Variants in FOXN3 observed in about 807,000 individuals in gnomAD.
FOXN3 encodes the protein forkhead box N3.
In FOXN3, 7 loss-of-function variants were observed where a neutral mutation model predicts 38.4. The observed-to-expected ratio is 0.18, with a 90% CI of 0.10 to 0.34. FOXN3 has a LOEUF of 0.34. Ranked by LOEUF, FOXN3 falls within the 10% of genes least tolerant of loss-of-function variation. FOXN3 has a pLI of 1.00. For synonymous variants in FOXN3, 230 were observed against 242.2 expected (o/e 0.95, Z 0.47); for missense variants, 456 against 613.4 (o/e 0.74, Z 2.71).
intron 1 of FOXN3, among the ~76,000 whole-genome samples, chr14:89,549,547 A>G (rs966572125): frequency 1.3e-5 from 2 of 151,722 alleles, no homozygotes; most frequent in Non-Finnish European, 2.9e-5. Context: ...CTACTCCCCA[A>G]TATCCCCCAA....
At position 89,555,114 on chromosome 14, in the gene FOXN3, G is replaced by C. The variant is rs144188233; in HGVS notation, c.-15+63914C>G. ...CCAAATATTAGCATTTCTTTCTTTT[G>C]TTAAAATAATGTGGTTTTTTTTGTA... On this transcript the variant is annotated intron_variant, in intron 1 of 6. Coordinates refer to the FOXN3 transcript ENST00000345097. 7.1e-3 allele frequency among the ~76,000 whole-genome samples: 545 copies of C among 76,426 alleles called. 6 individuals are homozygous for C. Among genetic ancestry groups the C allele is most frequent in the African/African-American group, 0.026 (508 of 19,862 alleles). The allele number at this position is 76,426 out of a possible 152,430, so 50.1% of individuals were successfully genotyped here.
chr14:89,594,499 T>A (rs1896018776), intron 1 of FOXN3, among the ~76,000 whole-genome samples: 1 of 152,246 alleles, frequency 6.6e-6, no homozygotes, highest in South Asian at 2.1e-4. Flanking sequence ...TTATTCAACA[T>A]TTGAATATCC....
chr14:89,217,430 A>G (rs1884320556), intron 4 of FOXN3, among the ~76,000 whole-genome samples: 1 of 152,124 alleles, frequency 6.6e-6, no homozygotes, highest in Non-Finnish European at 1.5e-5. Flanking sequence ...ATGAGCCACC[A>G]CGCCTGGCCT....
intron 4 of FOXN3, among the ~76,000 whole-genome samples, chr14:89,248,836 G>A (rs1885371088): frequency 6.6e-6 from 1 of 152,196 alleles, no homozygotes; most frequent in Non-Finnish European, 1.5e-5. Flanking sequence ...CATTCTAATG[G>A]TTTAAACAGC....
chr14:89,515,573 TA>T (rs1232657845), intron 1 of FOXN3, among the ~76,000 whole-genome samples: 1 of 151,712 alleles, frequency 6.6e-6, no homozygotes, highest in African/African-American at 2.4e-5. Context: ...TCATCTCTAC[TA>T]AAAATACAAA....
rs767892354 is a variant in FOXN3, at chr14:89,459,390, C to CATT, written c.-14-46903_-14-46901dup. On this transcript the variant is annotated intron_variant, in intron 1 of 6. Coordinates refer to the FOXN3 transcript ENST00000345097. ...AGTGAATTTAAATCTGCACCCAAAC[C>CATT]ATTAGCCTTTCAGGAACAGGGACAG... Among the ~76,000 whole-genome samples, 4 of 152,238 alleles carry CATT rather than the reference C, an allele frequency of 2.6e-5. No homozygotes were observed. The South Asian group carries it at 8.3e-4, about 32-fold the overall frequency.
chr14:89,569,329 C>T (rs564040685), intron 1 of FOXN3, among the ~76,000 whole-genome samples: 52 of 152,266 alleles, frequency 3.4e-4, no homozygotes, highest in African/African-American at 1.2e-3. Context: ...GTATTTAATA[C>T]GTAGGTAGTG....
chr14:89,441,756 G>A (rs190936776), intron 1 of FOXN3, among the ~76,000 whole-genome samples: 25 of 152,210 alleles, frequency 1.6e-4, no homozygotes, highest in Non-Finnish European at 3.5e-4. Flanking sequence ...AGGAGGGAGG[G>A]GGGTGGAAGT....
chr14:89,369,502 G>T (rs1310465405), intron 2 of FOXN3, among the ~76,000 whole-genome samples: 1 of 151,890 alleles, frequency 6.6e-6, no homozygotes, highest in African/African-American at 2.4e-5. Flanking sequence ...AAGGTTATTA[G>T]TCCATTCTCA....
chr14:89,261,219 A>G (rs1269434935), intron 4 of FOXN3, among the ~76,000 whole-genome samples: 1 of 152,182 alleles, frequency 6.6e-6, no homozygotes, highest in Non-Finnish European at 1.5e-5. Flanking sequence ...GGTAGCTTTG[A>G]GGTGTGGAGT....
intron 1 of FOXN3, among the ~76,000 whole-genome samples, chr14:89,613,588 G>A (rs755233865): frequency 2.6e-5 from 4 of 152,160 alleles, no homozygotes; most frequent in Non-Finnish European, 5.9e-5. Flanking sequence ...CCTTATGCTA[G>A]TTTCATCTTT....
Position 89,331,963 on chromosome 14 carries a change from T to C in FOXN3, c.680+18709A>G, listed in dbSNP as rs577946863. Among the ~76,000 whole-genome samples, 204 of 152,304 alleles carry C rather than the reference T, an allele frequency of 1.3e-3. 1 individual carries two copies. The highest frequency in any genetic ancestry group is 4.6e-3 in the African/African-American group (191 of 41,562). The stretch of plus-strand genomic sequence containing the variant: ...TGCTGTGATTTTTTTAATGTCTGTT[T>C]GATAAAATGTAGGAAATATCTTAAT... On this transcript the variant is annotated intron_variant, in intron 3 of 5. Coordinates refer to ENST00000557258, the MANE Select transcript of FOXN3 (RefSeq NM_005197.4).
intron 2 of FOXN3, among the ~76,000 whole-genome samples, chr14:89,403,500 T>G (rs1184646563): frequency 6.6e-6 from 1 of 152,232 alleles, no homozygotes; most frequent in East Asian, 1.9e-4. Context: ...ACGCCCAGCC[T>G]AAACTCATAA....
At chr14:89,279,078 G>C (rs1015503496) in intron 4 of FOXN3, among the ~76,000 whole-genome samples, 1 of 151,424 alleles carries the variant, frequency 6.6e-6, no homozygotes, top group South Asian at 2.1e-4. Context: ...GAACTCTAGG[G>C]AATGAAGAAA....
chr14:89,159,318 C>T lies in FOXN3; in HGVS notation c.*3096G>A, dbSNP rs910043215. 2.6e-5 allele frequency: 4 copies of T among 152,534 alleles called. No individual in the cohort carries two copies. Among genetic ancestry groups the T allele is most frequent in the African/African-American group, 9.7e-5 (4 of 41,420 alleles). 9.4% of individuals were successfully genotyped at this position (152,534 alleles called of 1,614,324 possible). The stretch of plus-strand genomic sequence containing the variant: ...TTGGTTATGCATAATGTGTATGCCT[C>T]CAAAAACAGAAGAAAAATAGGAAGA... On this transcript the variant is annotated 3_prime_UTR_variant, in exon 6 of 6. Transcript: ENST00000557258.
rs144640148 is a variant in FOXN3 at position 89,229,757 on chromosome 14, C to T, written c.746-48951G>A. Among the ~76,000 whole-genome samples, 33 of 152,180 alleles carry T rather than the reference C, an allele frequency of 2.2e-4. 1 individual carries two copies. The highest frequency in any genetic ancestry group is 1.8e-3 in the Admixed American group (27 of 15,282). On this transcript the variant is annotated intron_variant, in intron 4 of 5. Transcript: ENST00000557258. The stretch of plus-strand genomic sequence containing the variant: ...AGTAGGTTGTCCCTCTGGTGACACT[C>T]GCTGAGGCCAATAAGAGATAAAAGG...
intron 2 of FOXN3, among the ~76,000 whole-genome samples, chr14:89,365,931 ATAAC>A (rs1280856047): frequency 2.0e-5 from 3 of 152,230 alleles, no homozygotes; most frequent in Non-Finnish European, 4.4e-5. Context: ...AGTAACTAGA[ATAAC>A]TAACATAAAG....
chr14:89,509,893 G>A (rs1894021328), intron 1 of FOXN3, among the ~76,000 whole-genome samples: 1 of 152,224 alleles, frequency 6.6e-6, no homozygotes. Context: ...GACCCATTGT[G>A]GCAGATTGCA....
At chr14:89,172,494 T>C (rs8011415) in intron 5 of FOXN3, among the ~76,000 whole-genome samples, 122,534 of 152,108 alleles carry the variant, frequency 0.81, 49,720 homozygotes, top group Non-Finnish European at 0.85. Flanking sequence ...GTTCGCGCAC[T>C]CCCTTGCAGT....
Sources: allele counts gnomAD v4.1 joint callset (sites outside exome capture counted in the v4.1 genomes callset), GRCh38; gene constraint gnomAD v4.1.1; transcripts MANE v1.5; gene names NCBI Gene and HGNC (gene_info 2026-07-23, HGNC 2026-07-21).